The following ABCB1 variants were observed in gnomAD, a reference collection of about 807,000 sequenced individuals.
The protein encoded by ABCB1 is ATP-dependent translocase ABCB1.
A neutral mutation model predicts 142.0 loss-of-function variants in ABCB1; 69 were observed. The observed-to-expected ratio is 0.49, with a 90% confidence interval of 0.40 to 0.59. The LOEUF is 0.59. ABCB1 is among the 20% of genes least tolerant of loss of function. ABCB1 has a pLI of 0.00. For synonymous variants in ABCB1, 532 were observed against 539.2 expected, an observed-to-expected ratio of 0.99 and a Z score of 0.18; for missense variants, 1,326 against 1,554.7, an observed-to-expected ratio of 0.85 and a Z score of 2.47.
intron 1 of ABCB1, chr7:87,629,131 G>T: frequency 2.1e-6 from 1 of 465,464 alleles, no homozygotes. Context: ...CACCGTCGCA[G>T]CCCTGGACTT....
chr7:87,570,064 G>T, intron 5 of ABCB1, 108 bp downstream of exon 5: 2 of 974,812 alleles, frequency 2.1e-6, no homozygotes, highest in Non-Finnish European at 3.3e-6. Context: ...ACTATCAAGA[G>T]TATTGTTCTC....
intron 3 of ABCB1, among the ~76,000 whole-genome samples, chr7:87,586,350 A>G (rs1476765090): frequency 1.3e-5 from 2 of 152,228 alleles, no homozygotes; most frequent in Non-Finnish European, 2.9e-5. Flanking sequence ...TCTGAACCCA[A>G]AAAGTTACAG....
intron 5 of ABCB1, among the ~76,000 whole-genome samples, chr7:87,568,553 T>C (rs371253793): frequency 3.9e-5 from 6 of 152,182 alleles, no homozygotes; most frequent in Admixed American, 6.5e-5. Context: ...CAAATTAAAC[T>C]GTGTGTTTGA....
At chr7:87,516,703 C>T (rs201362525) in intron 23 of ABCB1, 38 bp from the exon 24 acceptor site, 93 of 1,512,738 alleles carry the variant, frequency 6.1e-5, no homozygotes, top group Non-Finnish European at 8.2e-5. Flanking sequence ...CACAGCATTA[C>T]CATCACAATG....
chr7:87,581,606 T>C (rs1349992799), intron 4 of ABCB1, among the ~76,000 whole-genome samples: 1 of 152,132 alleles, frequency 6.6e-6, no homozygotes, highest in East Asian at 1.9e-4. Flanking sequence ...TGGTCCACAG[T>C]AAAACAGCAG....
chr7:87,636,563 G>T (rs1211894423), intron 1 of ABCB1, among the ~76,000 whole-genome samples: 1 of 152,138 alleles, frequency 6.6e-6, no homozygotes, highest in African/African-American at 2.4e-5. Flanking sequence ...ATTTCTGATT[G>T]TAAAATGGCC....
chr7:87,572,410 G>A (rs28718458), intron 4 of ABCB1, among the ~76,000 whole-genome samples: 34,121 of 151,992 alleles, frequency 0.22, 4,365 homozygotes, highest in African/African-American at 0.35. Flanking sequence ...TTTTGTTCAA[G>A]GTCAAAATTG....
At chr7:87,560,375 T>TA (rs1045588396) in intron 8 of ABCB1, among the ~76,000 whole-genome samples, 1 of 152,102 alleles carries the variant, frequency 6.6e-6, no homozygotes, top group Non-Finnish European at 1.5e-5. Flanking sequence ...TATGCACAGT[T>TA]AAAAAAATTA....
In ABCB1 at chr7:87,504,318, C is replaced by A; in HGVS notation, c.3768G>T (p.Thr1256=). 4 of 1,614,048 alleles carry A rather than the reference C, an allele frequency of 2.5e-6. No homozygotes were observed. Among genetic ancestry groups the A allele is most frequent in the Non-Finnish European group, 3.4e-6 (4 of 1,180,002 alleles). Residue 1256 remains threonine, a synonymous_variant, in exon 28 of 28, where the codon ACG becomes ACT. Transcript: ENST00000622132. Reference sequence around the variant, plus strand: ...CTTTCTGTGCCAGCAGCTGCTGATGCGTGCCATGCTCCTTGACTCTGCCAT... The same window carrying A: ...CTTTCTGTGCCAGCAGCTGCTGATGAGTGCCATGCTCCTTGACTCTGCCAT... ...FQNGRVKEHG[T]HQQLLAQKGI...
intron 20 of ABCB1, among the ~76,000 whole-genome samples, chr7:87,535,606 C>G (rs1449853844): frequency 1.3e-5 from 2 of 152,128 alleles, no homozygotes; most frequent in Non-Finnish European, 2.9e-5. Context: ...CCTTCTGAAA[C>G]TATTCCAAAC....
At chr7:87,553,736 T>C (rs1481887405) in intron 9 of ABCB1, 25 bp downstream of exon 9, 1 of 1,606,254 alleles carries the variant, frequency 6.2e-7, no homozygotes, top group Non-Finnish European at 8.5e-7. Flanking sequence ...TAATAATGGT[T>C]CATTTCTCAA....
At chr7:87,696,883 T>C (rs1003615694) in intron 1 of ABCB1, among the ~76,000 whole-genome samples, 1 of 152,214 alleles carries the variant, frequency 6.6e-6, no homozygotes, top group South Asian at 2.1e-4. Context: ...GTGCCCTACC[T>C]ATAGCAGGAG....
intron 1 of ABCB1, among the ~76,000 whole-genome samples, chr7:87,671,107 C>G (rs1170457724): frequency 6.6e-6 from 1 of 152,128 alleles, no homozygotes; most frequent in Non-Finnish European, 1.5e-5. Context: ...TCAGGGCAAT[C>G]AGACCAGGAT....
chr7:87,542,039 G>A (rs568725722), intron 17 of ABCB1, among the ~76,000 whole-genome samples: 2 of 152,300 alleles, frequency 1.3e-5, no homozygotes, highest in East Asian at 3.9e-4. Context: ...AGGGCTAATA[G>A]GATGTTTTGG....
chr7:87,541,340 A>C lies in ABCB1; in HGVS notation c.2319+17T>G. 7.0e-7 allele frequency: 1 copy of C among 1,436,494 alleles called. No individual in the cohort carries two copies. The highest frequency in any genetic ancestry group is 9.8e-7 in the Non-Finnish European group (1 of 1,019,376). 89.0% of individuals were successfully genotyped at this position (1,436,494 alleles called of 1,614,324 possible). A position where few individuals can be genotyped will look rare whatever the true frequency, so the allele number is the denominator to read the frequency against. On this transcript the variant is annotated intron_variant, in intron 18 of 27. Transcript: ENST00000622132. ...TGCATTTCTCAAAATGAATATAGTGAAAATGGAAACATTTACCTGAAGGAA... is the reference window on the plus strand; with the variant it reads ...TGCATTTCTCAAAATGAATATAGTGCAAATGGAAACATTTACCTGAAGGAA...
intron 1 of ABCB1, among the ~76,000 whole-genome samples, chr7:87,643,606 T>C (rs1183801621): frequency 2.6e-5 from 4 of 152,060 alleles, no homozygotes; most frequent in Non-Finnish European, 4.4e-5. Context: ...CTGCAACTTC[T>C]GCCTCCCAGG....
rs2117129803 is a variant in ABCB1, at chr7:87,531,304, C to T, written c.2675G>A (p.Gly892Asp). The part of the protein sequence containing the change: ...QALKDKKELE[G>D]SGKIATEAIE... Reference sequence around the variant, plus strand: ...TTTAGTTTGACTCACCTTCCCAGAACCTTCTAGTTCTTTCTTATCTTTCAG... The same window carrying T: ...TTTAGTTTGACTCACCTTCCCAGAATCTTCTAGTTCTTTCTTATCTTTCAG... Residue 892 changes from glycine to aspartate, a missense_variant, in exon 21 of 28, where the codon GGT becomes GAT. By Grantham distance (94) the Gly-to-Asp change is moderately conservative. Transcript: ENST00000622132. 1 of 1,612,968 alleles carries T rather than the reference C, an allele frequency of 6.2e-7. No homozygotes were observed. The highest frequency in any genetic ancestry group is 8.5e-7 in the Non-Finnish European group (1 of 1,179,374).
At chr7:87,531,825 A>G (rs1441537187) in intron 20 of ABCB1, 2 of 276,936 alleles carry the variant, frequency 7.2e-6, no homozygotes, top group East Asian at 1.7e-4. Context: ...AGTCTGACAA[A>G]CTAGGAATGA....
At chr7:87,532,404 C>T (rs911188204) in intron 20 of ABCB1, among the ~76,000 whole-genome samples, 2 of 152,172 alleles carry the variant, frequency 1.3e-5, no homozygotes, top group Admixed American at 6.5e-5. Context: ...GTCGCTAAGA[C>T]CTTGCTGATA....
Sources: gnomAD v4.1 joint callset for allele counts (sites outside exome capture counted in the v4.1 genomes callset) on GRCh38, gnomAD v4.1.1 for gene constraint, MANE v1.5 for transcripts, NCBI Gene and HGNC (gene_info 2026-07-23, HGNC 2026-07-21) for gene names.